The following MCF2L2 variants were observed in gnomAD, a reference collection of about 807,000 sequenced individuals.
MCF2L2 encodes MCF.2 cell line derived transforming sequence-like 2.
MCF2L2 carries 102 observed loss-of-function variants against 150.2 expected under a neutral mutation model. That is an observed-to-expected ratio of 0.68 (90% CI 0.58 to 0.80). The LOEUF is 0.80. Among genes scored for constraint, MCF2L2 ranks in the 30% least tolerant of loss-of-function variants. MCF2L2 has a pLI of 0.00. For synonymous variants in MCF2L2, 465 were observed against 491.3 expected (o/e 0.95, Z 0.71); for missense variants, 1,256 against 1,372.8 (o/e 0.91, Z 1.34).
intron 15 of MCF2L2, chr3:183,254,029 G>C (rs952577173): frequency 2.0e-5 from 3 of 152,070 alleles, no homozygotes; most frequent in Admixed American, 1.3e-4. Flanking sequence ...TCTCCAGCGC[G>C]GGCTCCCGGC....
At chr3:183,425,812 G>A (rs1045448761) in intron 1 of MCF2L2, among the ~76,000 whole-genome samples, 10 of 152,094 alleles carry the variant, frequency 6.6e-5, no homozygotes, top group Admixed American at 2.0e-4. Context: ...AAAATTAGCC[G>A]GGCGTGGTGG....
chr3:183,216,552 T>TA (rs1207002962), intron 21 of MCF2L2, among the ~76,000 whole-genome samples: 8 of 33,104 alleles, frequency 2.4e-4, no homozygotes, highest in African/African-American at 6.0e-4. Context: ...AGTATATATA[T>TA]TATATATATA....
chr3:183,234,282 G>T (rs559876073), intron 15 of MCF2L2, among the ~76,000 whole-genome samples: 2 of 152,158 alleles, frequency 1.3e-5, no homozygotes, highest in African/African-American at 4.8e-5. Context: ...ATTAAAGGAA[G>T]TCAGAAGGCA....
At chr3:183,196,602 G>C (rs996390388) in intron 25 of MCF2L2, among the ~76,000 whole-genome samples, 3 of 152,044 alleles carry the variant, frequency 2.0e-5, no homozygotes, top group Admixed American at 2.0e-4. Flanking sequence ...TCCACTGTGG[G>C]CCCTCTCTAA....
chr3:183,399,514 G>A (rs1434310068), intron 1 of MCF2L2, among the ~76,000 whole-genome samples: 1 of 152,226 alleles, frequency 6.6e-6, no homozygotes, highest in Non-Finnish European at 1.5e-5. Context: ...AGCTGCTTCA[G>A]CTTTGAGAAC....
rs60835895 is a variant in MCF2L2, at chr3:183,269,230, C to CTTTTTTTTTTTTTTTTTTTTTTTTTTTT, written c.1862+7641_1862+7642insAAAAAAAAAAAAAAAAAAAAAAAAAAAA. The stretch of plus-strand genomic sequence containing the variant: ...TACACGATTATAGCCGTTTGGGAAG[C>CTTTTTTTTTTTTTTTTTTTTTTTTTTTT]TTTTTTTTTTTTTTTTTTAAGAGTA... On this transcript the variant is annotated intron_variant, in intron 15 of 29. Coordinates refer to ENST00000328913, the MANE Select transcript of MCF2L2 (RefSeq NM_015078.4). Among the ~76,000 whole-genome samples, 19 of 80,998 alleles carry CTTTTTTTTTTTTTTTTTTTTTTTTTTTT rather than the reference C, an allele frequency of 2.3e-4. 4 individuals are homozygous for CTTTTTTTTTTTTTTTTTTTTTTTTTTTT. Among genetic ancestry groups the CTTTTTTTTTTTTTTTTTTTTTTTTTTTT allele is most frequent in the African/African-American group, 1.1e-3 (17 of 15,752 alleles). 53.1% of individuals were successfully genotyped at this position (80,998 alleles called of 152,430 possible).
At chr3:183,199,093 A>G (rs1722170453) in intron 25 of MCF2L2, among the ~76,000 whole-genome samples, 1 of 152,200 alleles carries the variant, frequency 6.6e-6, no homozygotes, top group Non-Finnish European at 1.5e-5. Context: ...TGTGACAGAA[A>G]ACTGATGTGG....
intron 1 of MCF2L2, among the ~76,000 whole-genome samples, chr3:183,401,532 C>G (rs1206480764): frequency 1.3e-5 from 2 of 152,148 alleles, no homozygotes; most frequent in Non-Finnish European, 2.9e-5. Flanking sequence ...ATCCATGTAA[C>G]CCATCCCTCT....
intron 25 of MCF2L2, among the ~76,000 whole-genome samples, chr3:183,200,399 T>A (rs1409763211): frequency 6.6e-6 from 1 of 152,278 alleles, no homozygotes; most frequent in African/African-American, 2.4e-5. Context: ...TTTTTTCATG[T>A]GTCTGTTGGC....
At chr3:183,381,325 G>A (rs549119601) in intron 2 of MCF2L2, among the ~76,000 whole-genome samples, 11 of 152,248 alleles carry the variant, frequency 7.2e-5, no homozygotes, top group Non-Finnish European at 1.3e-4. Context: ...GAGCAAAGGC[G>A]GGCAGTGTAC....
At position 183,269,756 on chromosome 3, in the gene MCF2L2, C is replaced by G. The variant is rs760692899; in HGVS notation, c.1862+7116G>C. On this transcript the variant is annotated intron_variant, in intron 15 of 29. Coordinates refer to ENST00000328913, the MANE Select transcript of MCF2L2 (RefSeq NM_015078.4). Reference sequence around the variant, plus strand: ...TTCTATGGTCTCGAAGAAGCCCGTGCCTGTTTAAAACTGATCCTAACTAAA... The same window carrying G: ...TTCTATGGTCTCGAAGAAGCCCGTGGCTGTTTAAAACTGATCCTAACTAAA... The G allele has an allele frequency of 2.2e-5, 34 of 1,539,238 alleles. 1 individual carries two copies. The South Asian group carries it at 3.7e-4, about 17-fold the overall frequency.
intron 4 of MCF2L2, among the ~76,000 whole-genome samples, chr3:183,339,601 A>G (rs563836891): frequency 2.0e-5 from 3 of 152,294 alleles, no homozygotes; most frequent in African/African-American, 7.2e-5. Flanking sequence ...GATGTATATT[A>G]TTGCTAAGTT....
Position 183,181,775 on chromosome 3 carries a change from C to G in MCF2L2, c.3017-1616G>C, listed in dbSNP as rs556152109. ...GGATGATGCCAGGGCTGCTAGGGAC[C>G]ATAGAGCCACCCACTGGGAGGCTGG... On this transcript the variant is annotated intron_variant, in intron 27 of 29. Transcript: ENST00000328913. This position sits in a 1 kb window ranked among gnomAD's most constrained non-coding sequence, Gnocchi z 4.3. 3.8e-4 allele frequency among the ~76,000 whole-genome samples: 58 copies of G among 152,250 alleles called. 1 individual carries two copies. Among genetic ancestry groups the G allele is most frequent in the African/African-American group, 1.2e-3 (49 of 41,548 alleles).
chr3:183,288,969 T>G, intron 14 of MCF2L2, 151 bp downstream of exon 14: 1 of 543,134 alleles, frequency 1.8e-6, no homozygotes, highest in Non-Finnish European at 3.3e-6. Context: ...AGAAAAAAAA[T>G]CCTATAAACC....
intron 7 of MCF2L2, among the ~76,000 whole-genome samples, chr3:183,314,642 C>T (rs1190023224): frequency 1.3e-5 from 2 of 151,902 alleles, no homozygotes; most frequent in African/African-American, 4.8e-5. Flanking sequence ...AAAAAACACT[C>T]TCCAGGCTGG....
chr3:183,322,024 T>C (rs1329263427), intron 6 of MCF2L2, among the ~76,000 whole-genome samples: 2 of 152,252 alleles, frequency 1.3e-5, no homozygotes, highest in Non-Finnish European at 2.9e-5. Context: ...TCAACCTCTT[T>C]TGCAAGGGCA....
At position 183,341,585 on chromosome 3, in the gene MCF2L2, TC is replaced by T. The variant is rs1730697340; in HGVS notation, c.320del (p.Arg107GlnfsTer8). 6 of 1,614,174 alleles carry T rather than the reference TC, an allele frequency of 3.7e-6. No homozygotes were observed. The highest frequency in any genetic ancestry group is 1.3e-5 in the African/African-American group (1 of 75,054). On this transcript the variant is annotated frameshift_variant, in exon 4 of 30. Coordinates refer to ENST00000328913, the MANE Select transcript of MCF2L2 (RefSeq NM_015078.4). LOFTEE classifies it high-confidence loss of function. ...CCTTTACGGAGCTCCACTTGTCTCT[TC>T]GTCTGTCGATAACAACAATGAATCC... The part of the protein sequence containing the change: ...SIGFIVVIDR[R>X]RDKWSSVKAS...
intron 3 of MCF2L2, among the ~76,000 whole-genome samples, chr3:183,363,412 C>T (rs984254050): frequency 2.6e-5 from 4 of 152,134 alleles, no homozygotes; most frequent in Non-Finnish European, 4.4e-5. Context: ...ACTGAAAATA[C>T]TCATGATGCA....
chr3:183,298,765 G>GCGCGCGCGCGCGCGCACACACACA, intron 11 of MCF2L2: 1 of 138,500 alleles, frequency 7.2e-6, no homozygotes, highest in African/African-American at 2.9e-5. Flanking sequence ...AAACACACAT[G>GCGCGCGCGCGCGCGCACACACACA]CACACACACA....
Sources: allele counts gnomAD v4.1 joint callset (sites outside exome capture counted in the v4.1 genomes callset), GRCh38; gene constraint gnomAD v4.1.1; non-coding constraint Gnocchi (gnomAD v3.1); transcripts MANE v1.5; gene names NCBI Gene and HGNC (gene_info 2026-07-23, HGNC 2026-07-21).